The following SYT2 variants were observed in gnomAD, a reference collection of about 807,000 sequenced individuals.
The protein encoded by SYT2 is synaptotagmin-2.
Under a neutral mutation model 39.9 loss-of-function variants are expected in SYT2, and 15 were observed. That is an observed-to-expected ratio of 0.38 (90% confidence interval 0.25 to 0.58). SYT2 has a LOEUF of 0.58. Among genes scored for constraint, SYT2 ranks in the 20% least tolerant of loss-of-function variants. The probability of loss-of-function intolerance (pLI) is 0.70; values close to 1 mark genes in which losing one functional copy is unlikely to be tolerated. For missense variants in SYT2, 389 were observed against 530.3 expected (o/e 0.73, Z 2.62); for synonymous variants, 181 against 204.5 (o/e 0.89, Z 0.98).
intron 1 of SYT2, among the ~76,000 whole-genome samples, chr1:202,625,283 A>G (rs1251438165): frequency 9.2e-5 from 2 of 21,796 alleles, no homozygotes; most frequent in Non-Finnish European, 1.6e-4. Context: ...TGTGTGTGTG[A>G]TGTTTGTGGT....
Position 202,605,694 on chromosome 1 carries a change from C to T in SYT2, c.79G>A (p.Val27Met), listed in dbSNP as rs1337640409. The change falls in exon 2 of 9, where the codon GTG becomes ATG. Residue 27 changes from valine to methionine, a missense_variant. Val to Met is a conservative substitution (Grantham distance 21, BLOSUM62 1). This residue lies in a region of SYT2 where 280 missense variants were observed against 335.6 expected (regional missense o/e 0.83). Coordinates refer to ENST00000367268, the MANE Select transcript of SYT2 (RefSeq NM_177402.5). ...CCCCCACTCTCAGTGGAGTTGTCCA[C>T]GGGTCCAATGGGCATCGTGGCGGTG... ...TTTATMPIGP[V>M]DNSTESGGAG... The T allele has an allele frequency of 1.6e-5, 26 of 1,613,934 alleles. No individual in the cohort carries two copies. Among genetic ancestry groups the T allele is most frequent in the East Asian group, 2.2e-5 (1 of 44,892 alleles).
intron 1 of SYT2, among the ~76,000 whole-genome samples, chr1:202,649,360 T>C (rs1486792156): frequency 6.6e-6 from 1 of 152,154 alleles, no homozygotes; most frequent in African/African-American, 2.4e-5. Context: ...GATTCAAGTA[T>C]TGAGATGATG....
At chr1:202,701,573 T>C (rs1422393743) in intron 1 of SYT2, among the ~76,000 whole-genome samples, 1 of 152,230 alleles carries the variant, frequency 6.6e-6, no homozygotes, top group Non-Finnish European at 1.5e-5. Flanking sequence ...CCAATTACTT[T>C]GCTTAGCGGG....
intron 1 of SYT2, among the ~76,000 whole-genome samples, chr1:202,692,877 T>C (rs1383161058): frequency 6.6e-6 from 1 of 152,102 alleles, no homozygotes; most frequent in Non-Finnish European, 1.5e-5. Context: ...CTGGGCAACA[T>C]AGTGAGACTT....
intron 6 of SYT2, 35 bp from the exon 7 acceptor site, chr1:202,600,509 A>C (rs376917986): frequency 1.1e-4 from 178 of 1,597,792 alleles, no homozygotes; most frequent in African/African-American, 8.6e-4. Context: ...GGGTCATCTC[A>C]CCCATCCTAG....
chr1:202,606,465 A>G (rs1343332500), intron 1 of SYT2, among the ~76,000 whole-genome samples: 1 of 152,166 alleles, frequency 6.6e-6, no homozygotes, highest in Non-Finnish European at 1.5e-5. Flanking sequence ...ATCTCTGCCC[A>G]GCTCCATGAC....
Position 202,601,858 on chromosome 1 carries a change from T to C in SYT2, c.801+32A>G. 1.2e-6 allele frequency: 2 copies of C among 1,602,006 alleles called. No individual in the cohort carries two copies. The highest frequency in any genetic ancestry group is 1.7e-6 in the Non-Finnish European group (2 of 1,173,174). On this transcript the variant is annotated intron_variant, in intron 6 of 8. Transcript: ENST00000367268. This position sits in a 1 kb window ranked among gnomAD's most constrained non-coding sequence, Gnocchi z 4.0. ...GGAAGCCCACCTGTACATTCGTCTTTCTGCCCAACCTGGCCTCATCTCTGC... is the reference window on the plus strand; with the variant it reads ...GGAAGCCCACCTGTACATTCGTCTTCCTGCCCAACCTGGCCTCATCTCTGC...
chr1:202,627,165 G>A (rs149427421), intron 1 of SYT2, among the ~76,000 whole-genome samples: 5,255 of 152,292 alleles, frequency 0.035, 137 homozygotes, highest in Non-Finnish European at 0.051. Context: ...TCTCTTCCCT[G>A]GCTCTGTGTG....
chr1:202,625,110 TGTGTGGTATGTGTGTCG>T (rs1418467202), intron 1 of SYT2, among the ~76,000 whole-genome samples: 19 of 1,030 alleles, frequency 0.018, no homozygotes, highest in South Asian at 0.1. Flanking sequence ...GTGTGTGGTG[TGTGTGGTATGTGTGTCG>T]TGTGTGTGGC....
chr1:202,639,725 T>C lies in SYT2; in HGVS notation c.-17-33936A>G, dbSNP rs933974633. 10 of 985,356 alleles carry C rather than the reference T, an allele frequency of 1.0e-5. No homozygotes were observed. The African/African-American group carries it at 1.4e-4, about 14-fold the overall frequency. 61.0% of individuals were successfully genotyped at this position (985,356 alleles called of 1,614,324 possible). On this transcript the variant is annotated intron_variant, in intron 1 of 8. Transcript: ENST00000367268. ...CTGCTTGCTTGGCCTTTGGCCTTTG[T>C]GGCTGAGCTCTTCCTTTCTCCAGGC... is the stretch of plus-strand genomic sequence containing the variant.
intron 1 of SYT2, among the ~76,000 whole-genome samples, chr1:202,619,386 A>C (rs1006820633): frequency 6.6e-6 from 1 of 152,126 alleles, no homozygotes; most frequent in Admixed American, 6.5e-5. Context: ...GTGGGGAGAG[A>C]TGCCTGCTCC....
At chr1:202,607,526 G>A (rs574317504) in intron 1 of SYT2, among the ~76,000 whole-genome samples, 2 of 152,286 alleles carry the variant, frequency 1.3e-5, no homozygotes, top group South Asian at 4.1e-4. Flanking sequence ...GAACATTTTA[G>A]GAGCTCTTAA....
chr1:202,683,174 C>T (rs1442674521), intron 1 of SYT2, among the ~76,000 whole-genome samples: 1 of 152,116 alleles, frequency 6.6e-6, no homozygotes, highest in Non-Finnish European at 1.5e-5. Flanking sequence ...AAAATGCATA[C>T]CCTACAATGA....
chr1:202,672,959 T>G, intron 1 of SYT2, among the ~76,000 whole-genome samples: 1 of 151,712 alleles, frequency 6.6e-6, no homozygotes, highest in Non-Finnish European at 1.5e-5. Context: ...AGAAAAAGTC[T>G]TAAAAATGTA....
chr1:202,702,982 G>A (rs904535044), intron 1 of SYT2, among the ~76,000 whole-genome samples: 9 of 152,094 alleles, frequency 5.9e-5, no homozygotes, highest in African/African-American at 1.7e-4. Context: ...AGAAGGCCCC[G>A]CTCCAGAAAA....
Position 202,620,502 on chromosome 1 carries a change from C to G in SYT2, c.-17-14713G>C, listed in dbSNP as rs993713509. ...TCTATCATGTAGAGAGCTGTCAGGG[C>G]AGAAAGCAGGACTTCAGGTGAGTAT... On this transcript the variant is annotated intron_variant, in intron 1 of 8. Transcript: ENST00000367268. Among the ~76,000 whole-genome samples the G allele has an allele frequency of 2.8e-4, 43 of 151,592 alleles. 1 individual carries two copies. Among genetic ancestry groups the G allele is most frequent in the Admixed American group, 7.9e-4 (12 of 15,220 alleles).
intron 1 of SYT2, among the ~76,000 whole-genome samples, chr1:202,676,808 T>G (rs1653384455): frequency 6.6e-6 from 1 of 152,206 alleles, no homozygotes; most frequent in South Asian, 2.1e-4. Context: ...TATAAAATAC[T>G]GTTTATGTAA....
intron 4 of SYT2, 49 bp from the exon 5 acceptor site, chr1:202,602,594 A>G (rs749325455): frequency 3.9e-6 from 6 of 1,558,154 alleles, no homozygotes; most frequent in Admixed American, 1.8e-5. Flanking sequence ...GACTGCTCCA[A>G]TACCACAACT....
intron 1 of SYT2, chr1:202,632,491 C>A (rs1324101045): frequency 2.5e-5 from 23 of 912,530 alleles, no homozygotes; most frequent in Admixed American, 6.2e-5. Context: ...AGAAAGGCTG[C>A]GTAGCCATCG....
Sources: allele counts gnomAD v4.1 joint callset (sites outside exome capture counted in the v4.1 genomes callset), GRCh38; gene constraint gnomAD v4.1.1; regional missense constraint gnomAD v4.1.1; non-coding constraint Gnocchi (gnomAD v3.1); transcripts MANE v1.5; gene names NCBI Gene and HGNC (gene_info 2026-07-23, HGNC 2026-07-21).